Variants in ARHGAP32 observed in about 807,000 individuals in gnomAD.
ARHGAP32 encodes the protein rho GTPase-activating protein 32.
In ARHGAP32, 51 loss-of-function variants were observed where a neutral mutation model predicts 186.5. The observed-to-expected ratio is 0.27, with a 90% CI of 0.22 to 0.35. ARHGAP32 has a LOEUF of 0.35. ARHGAP32 is among the 10% of genes least tolerant of loss of function. The pLI is 1.00. For missense variants in ARHGAP32, 2,186 were observed against 2,623.5 expected, an observed-to-expected ratio of 0.83 and a Z score of 3.64; for synonymous variants, 950 against 964.3, an observed-to-expected ratio of 0.99 and a Z score of 0.27.
Position 128,974,174 on chromosome 11 carries a change from G to C in ARHGAP32, c.3023C>G (p.Ser1008Cys), listed in dbSNP as rs746275801. 17 of 1,614,238 alleles carry C rather than the reference G, an allele frequency of 1.1e-5. No homozygotes were observed. The highest frequency in any genetic ancestry group is 6.6e-5 in the South Asian group (6 of 91,084). The change falls in exon 21 of 23, where the codon TCT becomes TGT. Residue 1008 changes from serine to cysteine, a missense_variant. Ser to Cys is a moderately radical substitution (Grantham distance 112, BLOSUM62 -1). Around this residue, in one of 5 missense-constraint regions of ARHGAP32, gnomAD observed 1,502 missense variants for 1,570.0 expected, o/e 0.96. Transcript: ENST00000682385. ...AGCCTTACTCTGACTGCTTGAGACA[G>C]ACTGATCCTCTTTCCCTGGCAATTC... is the stretch of plus-strand genomic sequence containing the variant. ...EVELPGKEDQ[S>C]VSSSQSKAVA...
intron 1 of ARHGAP32, among the ~76,000 whole-genome samples, chr11:129,198,343 T>C (rs185993524): frequency 7.9e-5 from 12 of 152,288 alleles, no homozygotes; most frequent in Admixed American, 5.9e-4. Context: ...CATTTACAAA[T>C]AGTGTGGTCT....
At position 129,082,241 on chromosome 11, in the gene ARHGAP32, C is replaced by A. The variant is rs917991269; in HGVS notation, c.531+11380G>T. 2.0e-5 allele frequency among the ~76,000 whole-genome samples: 3 copies of A among 151,816 alleles called. No homozygotes were observed. The South Asian group carries it at 6.2e-4, about 32-fold the overall frequency. ...AATACCATGATCATTTCTCACAGAA[C>A]TAGAAAAAACAATCCTAAAATTCAT... On this transcript the variant is annotated intron_variant, in intron 6 of 22. Transcript: ENST00000682385.
At chr11:129,264,760 T>C (rs1187297298) in intron 1 of ARHGAP32, among the ~76,000 whole-genome samples, 1 of 152,092 alleles carries the variant, frequency 6.6e-6, no homozygotes, top group Non-Finnish European at 1.5e-5. Flanking sequence ...AAATCAGGTC[T>C]GGGAAGGTAC....
At chr11:129,243,972 G>A (rs1945053623) in intron 1 of ARHGAP32, among the ~76,000 whole-genome samples, 1 of 152,102 alleles carries the variant, frequency 6.6e-6, no homozygotes, top group Non-Finnish European at 1.5e-5. Flanking sequence ...AGTTCCTTGT[G>A]AACAAGTACA....
At chr11:129,018,364 C>T (rs1426532362) in intron 11 of ARHGAP32, among the ~76,000 whole-genome samples, 1 of 152,070 alleles carries the variant, frequency 6.6e-6, no homozygotes, top group East Asian at 1.9e-4. Flanking sequence ...AATGGAAAAA[C>T]AACAATAGGC....
At chr11:129,277,821 A>T (rs1212676090) in intron 1 of ARHGAP32, among the ~76,000 whole-genome samples, 1 of 152,202 alleles carries the variant, frequency 6.6e-6, no homozygotes, top group African/African-American at 2.4e-5. Flanking sequence ...AAAACACAAC[A>T]TTGAGTACTT....
intron 5 of ARHGAP32, among the ~76,000 whole-genome samples, chr11:129,098,339 G>C (rs1941791103): frequency 6.6e-6 from 1 of 152,016 alleles, no homozygotes; most frequent in Admixed American, 6.5e-5. Context: ...TCCACTTTTT[G>C]TTATCTAAAT....
intron 11 of ARHGAP32, among the ~76,000 whole-genome samples, chr11:129,012,029 T>C (rs1029054648): frequency 3.3e-5 from 5 of 152,210 alleles, no homozygotes; most frequent in Admixed American, 1.3e-4. Context: ...GAATAGGATG[T>C]GAAACTTCCC....
chr11:129,045,089 A>C (rs1939755820), intron 10 of ARHGAP32, among the ~76,000 whole-genome samples: 1 of 152,024 alleles, frequency 6.6e-6, no homozygotes. Flanking sequence ...CTAATACCTA[A>C]CTCCAATCCC....
intron 2 of ARHGAP32, among the ~76,000 whole-genome samples, chr11:129,131,616 C>T (rs1325556933): frequency 2.0e-5 from 3 of 151,998 alleles, no homozygotes; most frequent in Non-Finnish European, 2.9e-5. Flanking sequence ...CTCACTATGA[C>T]GAAAACGGCA....
intron 1 of ARHGAP32, among the ~76,000 whole-genome samples, chr11:129,246,764 A>G (rs1397813259): frequency 6.6e-6 from 1 of 152,178 alleles, no homozygotes; most frequent in Non-Finnish European, 1.5e-5. Flanking sequence ...CTCTGTAGGC[A>G]TTTCAAACTA....
At chr11:129,245,547 T>A (rs1346200167) in intron 1 of ARHGAP32, among the ~76,000 whole-genome samples, 1 of 150,536 alleles carries the variant, frequency 6.6e-6, no homozygotes, top group East Asian at 2.0e-4. Flanking sequence ...CATGTATACA[T>A]ATGTAACTAA....
intron 12 of ARHGAP32, among the ~76,000 whole-genome samples, chr11:128,996,032 C>T (rs1223257192): frequency 2.6e-5 from 4 of 152,212 alleles, no homozygotes; most frequent in Non-Finnish European, 5.9e-5. Context: ...GTAGTGCTAA[C>T]TCAGAACCTT....
chr11:129,182,490 T>C (rs1396934703), intron 1 of ARHGAP32, among the ~76,000 whole-genome samples: 1 of 152,046 alleles, frequency 6.6e-6, no homozygotes, highest in African/African-American at 2.4e-5. Flanking sequence ...TATTGTAATG[T>C]AGATATTTTA....
At chr11:129,181,075 C>T (rs1944044567) in intron 1 of ARHGAP32, among the ~76,000 whole-genome samples, 1 of 152,098 alleles carries the variant, frequency 6.6e-6, no homozygotes. Context: ...ACTGTTCACT[C>T]CCAGGAATAT....
intron 5 of ARHGAP32, among the ~76,000 whole-genome samples, chr11:129,108,356 G>A (rs1356504310): frequency 6.6e-6 from 1 of 152,106 alleles, no homozygotes; most frequent in Non-Finnish European, 1.5e-5. Context: ...AGCTATACTA[G>A]TATCAGACAA....
At position 129,179,343 on chromosome 11, in the gene ARHGAP32, C is replaced by G. The variant is rs1370996915; in HGVS notation, c.116+12740G>C. Among the ~76,000 whole-genome samples, 9 of 152,254 alleles carry G rather than the reference C, an allele frequency of 5.9e-5. No homozygotes were observed. In the South Asian group the frequency reaches 1.2e-3, roughly 21 times the overall value. On this transcript the variant is annotated intron_variant, in intron 1 of 22. Transcript: ENST00000682385. ...AAATAGGAAAACTTTTACACTGTTG[C>G]TGGGACTGTAAACTAGTTCAACCAT...
At chr11:129,201,400 A>G (rs1206385933) in intron 1 of ARHGAP32, among the ~76,000 whole-genome samples, 6 of 152,162 alleles carry the variant, frequency 3.9e-5, no homozygotes, top group Admixed American at 3.9e-4. Context: ...TATACATTCT[A>G]TAATCATCAT....
intron 11 of ARHGAP32, among the ~76,000 whole-genome samples, chr11:129,003,080 G>A (rs1591521890): frequency 1.3e-5 from 2 of 152,238 alleles, no homozygotes; most frequent in African/African-American, 4.8e-5. Flanking sequence ...ACAGGCGTGA[G>A]CCACCGTGCC....
Sources: gnomAD v4.1 joint callset for allele counts (sites outside exome capture counted in the v4.1 genomes callset) on GRCh38, gnomAD v4.1.1 for gene constraint, gnomAD v4.1.1 regional missense constraint, MANE v1.5 for transcripts, NCBI Gene and HGNC (gene_info 2026-07-23, HGNC 2026-07-21) for gene names.